GRIA1: variants seen among roughly 807,000 people sequenced by gnomAD.
GRIA1 encodes the protein glutamate ionotropic receptor AMPA type subunit 1.
GRIA1 carries 31 observed loss-of-function variants against 99.2 expected under a neutral mutation model. The ratio of observed to expected loss-of-function variants is 0.31; its 90% CI spans 0.23 to 0.42. The LOEUF (loss-of-function observed/expected upper bound fraction) is 0.42, where lower values mean the gene tolerates loss of function less well. Among genes scored for constraint, GRIA1 ranks in the 10% least tolerant of loss-of-function variants. The probability of loss-of-function intolerance (pLI) is 1.00; values close to 1 mark genes in which losing one functional copy is unlikely to be tolerated. For synonymous variants in GRIA1, 438 were observed against 432.4 expected, an observed-to-expected ratio of 1.01 and a Z score of -0.16; for missense variants, 782 against 1,157.5, an observed-to-expected ratio of 0.68 and a Z score of 4.71.
At chr5:153,555,819 A>G (rs1760586858) in intron 2 of GRIA1, among the ~76,000 whole-genome samples, 1 of 152,214 alleles carries the variant, frequency 6.6e-6, no homozygotes, top group African/African-American at 2.4e-5. Flanking sequence ...AAGTCGAATC[A>G]TTTGATCCAA....
At chr5:153,757,977 AAATAACAATAACTACAAT>A (rs1762937545) in intron 11 of GRIA1, among the ~76,000 whole-genome samples, 1 of 152,156 alleles carries the variant, frequency 6.6e-6, no homozygotes, top group Non-Finnish European at 1.5e-5. Context: ...AAACTATGAA[AAATAACAATAACTACAAT>A]AATATGTTAA....
At chr5:153,524,338 G>T (rs955144059) in intron 2 of GRIA1, among the ~76,000 whole-genome samples, 3 of 152,044 alleles carry the variant, frequency 2.0e-5, no homozygotes, top group Admixed American at 1.3e-4. Flanking sequence ...AAAACAAAAA[G>T]AATTCTTGGC....
chr5:153,659,391 C>A (rs530702288), intron 5 of GRIA1, among the ~76,000 whole-genome samples: 5 of 152,274 alleles, frequency 3.3e-5, no homozygotes, highest in Admixed American at 3.3e-4. Context: ...ATGCCACTAT[C>A]TCTCACAGAT....
intron 14 of GRIA1, among the ~76,000 whole-genome samples, chr5:153,799,012 C>CCTGTCACTCTTCTTGGTA (rs1179749722): frequency 6.6e-6 from 1 of 152,136 alleles, no homozygotes; most frequent in Non-Finnish European, 1.5e-5. Flanking sequence ...TTTCTTTTCA[C>CCTGTCACTCTTCTTGGTA]CTGTCACTCT....
At chr5:153,744,208 A>G (rs1260015900) in intron 11 of GRIA1, among the ~76,000 whole-genome samples, 1 of 152,192 alleles carries the variant, frequency 6.6e-6, no homozygotes, top group Non-Finnish European at 1.5e-5. Context: ...CTTATCGATA[A>G]TAATTCAGGC....
chr5:153,590,314 A>G (rs1030112293), intron 2 of GRIA1, among the ~76,000 whole-genome samples: 1 of 152,158 alleles, frequency 6.6e-6, no homozygotes, highest in African/African-American at 2.4e-5. Context: ...CACAAAACAT[A>G]AAGGGAGGAA....
At chr5:153,754,486 A>G (rs1561832392) in intron 11 of GRIA1, among the ~76,000 whole-genome samples, 1 of 152,178 alleles carries the variant, frequency 6.6e-6, no homozygotes, top group African/African-American at 2.4e-5. Context: ...AAAAAGAAAA[A>G]TGTCAATTAA....
intron 13 of GRIA1, among the ~76,000 whole-genome samples, chr5:153,775,916 A>T (rs753014181): frequency 6.6e-6 from 1 of 150,782 alleles, no homozygotes; most frequent in South Asian, 2.1e-4. Flanking sequence ...AAAAAAAAAC[A>T]TGGGGCTTGT....
intron 2 of GRIA1, among the ~76,000 whole-genome samples, chr5:153,592,598 A>G (rs1415104960): frequency 2.0e-5 from 3 of 152,206 alleles, no homozygotes; most frequent in Admixed American, 6.5e-5. Context: ...AAAATTCAAC[A>G]TTCTCTTCCC....
rs547240816 is a variant in GRIA1 at position 153,627,421 on chromosome 5, C to T, written c.221-19507C>T. On this transcript the variant is annotated intron_variant, in intron 2 of 15. Transcript: ENST00000285900. Reference sequence around the variant, plus strand: ...TCCTTAACCACTCAGGTGTCTAGCCCAGAGTAGACACAGGCACGTGAGCCC... The same window carrying T: ...TCCTTAACCACTCAGGTGTCTAGCCTAGAGTAGACACAGGCACGTGAGCCC... 2.0e-5 allele frequency among the ~76,000 whole-genome samples: 3 copies of T among 152,272 alleles called. No homozygotes were observed. The East Asian group carries it at 5.8e-4, about 29-fold the overall frequency.
intron 10 of GRIA1, among the ~76,000 whole-genome samples, chr5:153,699,630 T>C (rs1169638199): frequency 6.6e-6 from 1 of 152,188 alleles, no homozygotes; most frequent in African/African-American, 2.4e-5. Context: ...CTTCTCATAA[T>C]AGGTATGAAT....
At chr5:153,697,861 G>T (rs973829671) in intron 8 of GRIA1, among the ~76,000 whole-genome samples, 183 bp from the exon 9 acceptor site, 3 of 152,156 alleles carry the variant, frequency 2.0e-5, no homozygotes, top group African/African-American at 4.8e-5. Flanking sequence ...GAGCAAAATT[G>T]GGGGCACCTG....
At chr5:153,535,350 A>G (rs756702051) in intron 2 of GRIA1, among the ~76,000 whole-genome samples, 1 of 152,182 alleles carries the variant, frequency 6.6e-6, no homozygotes, top group Admixed American at 6.5e-5. Flanking sequence ...ACCATTGTTT[A>G]TCCAGTTGTT....
At chr5:153,764,332 T>C (rs1019225183) in intron 11 of GRIA1, 102 bp from the exon 12 acceptor site, 3 of 825,756 alleles carry the variant, frequency 3.6e-6, no homozygotes, top group Non-Finnish European at 6.4e-6. Context: ...CAATAGGGCC[T>C]GACCGCTCTG....
chr5:153,541,942 A>C (rs1367613471), intron 2 of GRIA1, among the ~76,000 whole-genome samples: 2 of 150,498 alleles, frequency 1.3e-5, no homozygotes, highest in East Asian at 1.9e-4. Flanking sequence ...AAAAAAAAAA[A>C]AAAAAAAAAA....
intron 3 of GRIA1, 70 bp downstream of exon 3, chr5:153,647,237 A>C: frequency 6.6e-7 from 1 of 1,518,740 alleles, no homozygotes; most frequent in Non-Finnish European, 9.0e-7. Context: ...AAGGAGAATG[A>C]TGCCTCACTG....
chr5:153,808,868 C>G (rs1331757272), intron 15 of GRIA1, among the ~76,000 whole-genome samples: 1 of 152,236 alleles, frequency 6.6e-6, no homozygotes, highest in Non-Finnish European at 1.5e-5. Context: ...TGAATACCAA[C>G]TCTAATGATG....
intron 2 of GRIA1, among the ~76,000 whole-genome samples, chr5:153,633,293 T>A (rs1218608053): frequency 6.6e-6 from 1 of 152,190 alleles, no homozygotes; most frequent in Non-Finnish European, 1.5e-5. Context: ...TTAATTTGAA[T>A]CTCAGCCTTT....
intron 2 of GRIA1, among the ~76,000 whole-genome samples, chr5:153,646,639 G>T (rs1211466608): frequency 6.6e-6 from 1 of 152,142 alleles, no homozygotes; most frequent in Admixed American, 6.5e-5. Flanking sequence ...ACAACTTCTG[G>T]CTTCTAATAG....
Sources: gnomAD v4.1 joint callset for allele counts (sites outside exome capture counted in the v4.1 genomes callset) on GRCh38, gnomAD v4.1.1 for gene constraint, MANE v1.5 for transcripts, NCBI Gene and HGNC (gene_info 2026-07-23, HGNC 2026-07-21) for gene names.